Variants in FIRRM observed in about 807,000 individuals in gnomAD.
FIRRM encodes the protein FIGNL1 interacting regulator of recombination and mitosis, also known as FIGNL1-interacting regulator of recombination and mitosis.
the FIRRM span, among the ~76,000 whole-genome samples, chr1:169,846,970 C>T: frequency 2.0e-5 from 3 of 152,162 alleles, no homozygotes; most frequent in Non-Finnish European, 4.4e-5. Context: ...ACTTTTCACT[C>T]GAACACTTAA....
the FIRRM span, among the ~76,000 whole-genome samples, chr1:169,828,220 G>A: frequency 3.4e-4 from 51 of 152,192 alleles, no homozygotes; most frequent in African/African-American, 1.2e-3. Flanking sequence ...TGCCAACACC[G>A]TAGTCCAGGC....
the FIRRM span, among the ~76,000 whole-genome samples, chr1:169,848,054 C>G: frequency 6.6e-6 from 1 of 152,024 alleles, no homozygotes; most frequent in East Asian, 1.9e-4. Flanking sequence ...ATATTAGATT[C>G]TTATTCCAGT....
At chr1:169,831,658 T>G in the FIRRM span, among the ~76,000 whole-genome samples, 1 of 152,252 alleles carries the variant, frequency 6.6e-6, no homozygotes, top group African/African-American at 2.4e-5. Flanking sequence ...AGGAATGGAT[T>G]TCTTCTAGTT....
At chr1:169,807,409 T>A in the FIRRM span, among the ~76,000 whole-genome samples, 1 of 152,234 alleles carries the variant, frequency 6.6e-6, no homozygotes, top group African/African-American at 2.4e-5. Context: ...CACCTTAGAC[T>A]CTGTCATTTG....
chr1:169,795,322 G>A, the FIRRM span: 4 of 1,426,620 alleles, frequency 2.8e-6, no homozygotes, highest in Admixed American at 2.3e-5. Context: ...TATTACCGCG[G>A]CCTGAACCCC....
chr1:169,816,432 G>T, the FIRRM span, among the ~76,000 whole-genome samples: 2 of 151,990 alleles, frequency 1.3e-5, no homozygotes, highest in Non-Finnish European at 2.9e-5. Context: ...CATAGTTTTT[G>T]AAACATAATT....
chr1:169,803,973 G>A, the FIRRM span: 2 of 652,880 alleles, frequency 3.1e-6, no homozygotes, highest in Non-Finnish European at 2.3e-6. Flanking sequence ...GAATGAATAT[G>A]TGATTCAGTA....
chr1:169,786,536 G>A, the FIRRM span, among the ~76,000 whole-genome samples: 1 of 152,096 alleles, frequency 6.6e-6, no homozygotes, highest in African/African-American at 2.4e-5. Flanking sequence ...TGAATTTCTA[G>A]GCATTAGTGT....
the FIRRM span, among the ~76,000 whole-genome samples, chr1:169,838,772 G>A: frequency 6.6e-6 from 1 of 152,182 alleles, no homozygotes; most frequent in Non-Finnish European, 1.5e-5. Context: ...TTAGAGGAGT[G>A]AGCCACCACA....
the FIRRM span, among the ~76,000 whole-genome samples, chr1:169,840,553 C>G: frequency 1.3e-5 from 2 of 150,340 alleles, no homozygotes; most frequent in African/African-American, 4.9e-5. Flanking sequence ...CACTGTCGCT[C>G]AGGCTGGAGT....
the FIRRM span, among the ~76,000 whole-genome samples, chr1:169,797,531 G>A: frequency 6.6e-6 from 1 of 152,102 alleles, no homozygotes; most frequent in Admixed American, 6.5e-5. Context: ...TTGTATTACT[G>A]TGGTAGGACT....
the FIRRM span, among the ~76,000 whole-genome samples, chr1:169,787,545 T>C: frequency 6.6e-6 from 1 of 152,166 alleles, no homozygotes; most frequent in African/African-American, 2.4e-5. Context: ...CCCACCTTGC[T>C]CCTCGGCTAT....
the FIRRM span, among the ~76,000 whole-genome samples, chr1:169,846,296 C>G: frequency 6.6e-6 from 1 of 152,064 alleles, no homozygotes; most frequent in Non-Finnish European, 1.5e-5. Flanking sequence ...GTAGATTTAG[C>G]AGAATTCTTA....
chr1:169,815,533 G>T, the FIRRM span, among the ~76,000 whole-genome samples: 1 of 152,168 alleles, frequency 6.6e-6, no homozygotes, highest in Non-Finnish European at 1.5e-5. Context: ...TGATGGAACT[G>T]ATGGGAGTAT....
the FIRRM span, chr1:169,851,835 A>G: frequency 6.2e-7 from 1 of 1,613,984 alleles, no homozygotes; most frequent in Non-Finnish European, 8.5e-7. Flanking sequence ...TGTAGATGAA[A>G]CTGAAGCTGC....
At chr1:169,844,018 T>C in the FIRRM span, among the ~76,000 whole-genome samples, 2 of 152,218 alleles carry the variant, frequency 1.3e-5, no homozygotes, top group African/African-American at 4.8e-5. Context: ...CTTTTTGTTA[T>C]TACTGTTAAC....
At chr1:169,826,640 G>A in the FIRRM span, among the ~76,000 whole-genome samples, 2 of 152,198 alleles carry the variant, frequency 1.3e-5, no homozygotes, top group Non-Finnish European at 2.9e-5. Flanking sequence ...TGGGATTACA[G>A]GCATGAGCCA....
chr1:169,829,363 G>A, the FIRRM span: 2 of 1,613,876 alleles, frequency 1.2e-6, no homozygotes, highest in Non-Finnish European at 8.5e-7. Flanking sequence ...GGGGAAAGCT[G>A]AGGTGGCTGT....
the FIRRM span, chr1:169,853,542 A>G: frequency 1.5e-6 from 1 of 666,986 alleles, no homozygotes; most frequent in Non-Finnish European, 2.6e-6. Context: ...GCTTTTAGCC[A>G]GCACTCACAG....
Sources: gnomAD v4.1 joint callset for allele counts (sites outside exome capture counted in the v4.1 genomes callset) on GRCh38, gnomAD v4.1.1 for gene constraint, MANE v1.5 for transcripts, NCBI Gene and HGNC (gene_info 2026-07-23, HGNC 2026-07-21) for gene names.